TOX: variants seen among roughly 807,000 people sequenced by gnomAD.
TOX encodes thymocyte selection associated high mobility group box.
In TOX, 11 loss-of-function variants were observed where a neutral mutation model predicts 53.7. The ratio of observed to expected loss-of-function variants is 0.20; its 90% CI spans 0.13 to 0.34. The LOEUF (loss-of-function observed/expected upper bound fraction) is 0.34, where lower values mean the gene tolerates loss of function less well. Among genes scored for constraint, TOX ranks in the 10% least tolerant of loss-of-function variants. The probability of loss-of-function intolerance (pLI) is 1.00; values close to 1 mark genes in which losing one functional copy is unlikely to be tolerated. For synonymous variants in TOX, 225 were observed against 245.3 expected (o/e 0.92, Z 0.77); for missense variants, 570 against 664.6 (o/e 0.86, Z 1.56).
intron 1 of TOX, among the ~76,000 whole-genome samples, chr8:58,982,339 G>A (rs79876400): frequency 0.042 from 6,354 of 152,186 alleles, 358 homozygotes; most frequent in African/African-American, 0.12. Flanking sequence ...GGGAATGAGC[G>A]CCCTTCTACA....
At chr8:59,056,431 G>GAAAAAA (rs397697554) in intron 1 of TOX, among the ~76,000 whole-genome samples, 2 of 56,262 alleles carry the variant, frequency 3.6e-5, no homozygotes, top group African/African-American at 1.8e-4. Context: ...GGCCCTCTCC[G>GAAAAAA]AAAAAAAAAA....
intron 1 of TOX, among the ~76,000 whole-genome samples, chr8:58,984,593 C>T (rs1404591554): frequency 6.6e-6 from 1 of 151,828 alleles, no homozygotes; most frequent in East Asian, 1.9e-4. Context: ...GAGATCGACA[C>T]CACAGTGAAA....
intron 3 of TOX, among the ~76,000 whole-genome samples, chr8:58,874,728 G>T (rs10100201): frequency 0.22 from 32,741 of 152,060 alleles, 3,798 homozygotes; most frequent in African/African-American, 0.29. Context: ...ACTAAAAGGC[G>T]GGGAATTCCC....
intron 2 of TOX, among the ~76,000 whole-genome samples, chr8:58,950,598 A>C (rs532510576): frequency 3.3e-5 from 5 of 152,232 alleles, no homozygotes; most frequent in Non-Finnish European, 7.3e-5. Context: ...GGAAAAAAAT[A>C]GTTGAAAAAA....
chr8:58,849,532 G>T (rs1810772883), intron 4 of TOX, among the ~76,000 whole-genome samples: 2 of 152,128 alleles, frequency 1.3e-5, no homozygotes, highest in African/African-American at 2.4e-5. Context: ...ACAAAATATG[G>T]ACCTAACAGG....
At chr8:58,933,566 AGGGGGGTG>A (rs1171289749) in intron 3 of TOX, among the ~76,000 whole-genome samples, 1 of 146,520 alleles carries the variant, frequency 6.8e-6, no homozygotes, top group East Asian at 2.2e-4. Flanking sequence ...TAAACTTTGA[AGGGGGGTG>A]GGGGGTGCAG....
chr8:58,936,166 G>T (rs532376855), intron 3 of TOX, among the ~76,000 whole-genome samples: 2 of 152,278 alleles, frequency 1.3e-5, no homozygotes, highest in East Asian at 3.9e-4. Flanking sequence ...TTCTTTAGGT[G>T]GTTGTTGAAG....
At chr8:59,027,104 G>A (rs394372) in intron 1 of TOX, among the ~76,000 whole-genome samples, 57,227 of 151,970 alleles carry the variant, frequency 0.38, 11,345 homozygotes, top group East Asian at 0.58. Context: ...CCACCTGCTA[G>A]AGAAACAGAC....
At chr8:58,991,215 A>G (rs1467920169) in intron 1 of TOX, among the ~76,000 whole-genome samples, 1 of 152,194 alleles carries the variant, frequency 6.6e-6, no homozygotes, top group Non-Finnish European at 1.5e-5. Context: ...GTGACGATAA[A>G]AATAGCTCCT....
chr8:58,833,631 G>A (rs1810500598), intron 5 of TOX, among the ~76,000 whole-genome samples: 1 of 152,168 alleles, frequency 6.6e-6, no homozygotes, highest in South Asian at 2.1e-4. Flanking sequence ...AAGTAGCAGA[G>A]ACCAACATCA....
At chr8:59,052,546 A>G (rs1196190875) in intron 1 of TOX, among the ~76,000 whole-genome samples, 1 of 152,208 alleles carries the variant, frequency 6.6e-6, no homozygotes, top group African/African-American at 2.4e-5. Flanking sequence ...AAAAATCTCA[A>G]TTTCTCCATT....
chr8:58,959,434 G>GT (rs1222516763), intron 2 of TOX, among the ~76,000 whole-genome samples: 1 of 152,096 alleles, frequency 6.6e-6, no homozygotes, highest in Non-Finnish European at 1.5e-5. Flanking sequence ...ATCATATCAT[G>GT]TTTTTTGGCC....
intron 1 of TOX, among the ~76,000 whole-genome samples, chr8:59,054,336 A>G (rs1237499935): frequency 6.6e-6 from 1 of 152,242 alleles, no homozygotes; most frequent in Non-Finnish European, 1.5e-5. Context: ...AAAGAAGGCA[A>G]GAAAACATTT....
chr8:58,912,538 C>T (rs1048014385), intron 3 of TOX, among the ~76,000 whole-genome samples: 1 of 152,190 alleles, frequency 6.6e-6, no homozygotes, highest in African/African-American at 2.4e-5. Flanking sequence ...GCTCTCAAAC[C>T]TGAGTATGTG....
intron 5 of TOX, among the ~76,000 whole-genome samples, chr8:58,833,107 C>T (rs1810490110): frequency 6.6e-6 from 1 of 152,168 alleles, no homozygotes. Context: ...CTTTCCACTC[C>T]ATTTTTAGCA....
At chr8:58,859,617 C>G (rs1810974159) in intron 3 of TOX, among the ~76,000 whole-genome samples, 1 of 152,142 alleles carries the variant, frequency 6.6e-6, no homozygotes, top group African/African-American at 2.4e-5. Flanking sequence ...TCTCTAGAAC[C>G]ACCATCTTCA....
At chr8:58,991,490 C>T (rs17241654) in intron 1 of TOX, among the ~76,000 whole-genome samples, 10,513 of 152,234 alleles carry the variant, frequency 0.069, 574 homozygotes, top group Admixed American at 0.16. Context: ...CTAGAACAAT[C>T]GGCCGGATCG....
chr8:58,980,145 G>A (rs1585939344), intron 1 of TOX, among the ~76,000 whole-genome samples: 2 of 152,268 alleles, frequency 1.3e-5, no homozygotes, highest in African/African-American at 4.8e-5. Flanking sequence ...TTAAAAAGAT[G>A]GGCCAGCCTT....
At chr8:59,045,743 G>A (rs894401950) in intron 1 of TOX, among the ~76,000 whole-genome samples, 2 of 152,162 alleles carry the variant, frequency 1.3e-5, no homozygotes, top group African/African-American at 4.8e-5. Context: ...GAAAAAACTA[G>A]TGGTCTCTTC....
Sources: gnomAD v4.1 joint callset for allele counts (sites outside exome capture counted in the v4.1 genomes callset) on GRCh38, gnomAD v4.1.1 for gene constraint, MANE v1.5 for transcripts, NCBI Gene and HGNC (gene_info 2026-07-23, HGNC 2026-07-21) for gene names.